PCDH15: variants seen among roughly 807,000 people sequenced by gnomAD.
The protein encoded by PCDH15 is protocadherin related 15, also known as protocadherin-15.
A neutral mutation model predicts 178.5 loss-of-function variants in PCDH15; 129 were observed. That is an observed-to-expected ratio of 0.72 (90% CI 0.63 to 0.84). The LOEUF is 0.84. Among genes scored for constraint, PCDH15 ranks in the 40% least tolerant of loss-of-function variants. PCDH15 has a pLI of 0.00. For missense variants in PCDH15, 2,230 were observed against 2,099.9 expected, an observed-to-expected ratio of 1.06 and a Z score of -1.21; for synonymous variants, 800 against 732.0, an observed-to-expected ratio of 1.09 and a Z score of -1.50.
At position 55,188,803 on chromosome 10, in the gene PCDH15, T is replaced by C. The variant is rs796680493; in HGVS notation, c.-155-22152A>G. On this transcript the variant is annotated intron_variant, in intron 1 of 5. Transcript: ENST00000458638. The stretch of plus-strand genomic sequence containing the variant: ...ATATACATATATGTAAACTAATTTC[T>C]TATTATTTCAATGTAAATATTTCCC... 7.4e-4 allele frequency among the ~76,000 whole-genome samples: 113 copies of C among 151,774 alleles called. 1 individual carries two copies. Among genetic ancestry groups the C allele is most frequent in the African/African-American group, 2.4e-3 (99 of 41,300 alleles).
intron 21 of PCDH15, among the ~76,000 whole-genome samples, chr10:53,973,580 A>C (rs1327820745): frequency 6.6e-6 from 1 of 152,220 alleles, no homozygotes; most frequent in African/African-American, 2.4e-5. Context: ...TTACTTTCTT[A>C]AAGTTCTTAC....
intron 2 of PCDH15, among the ~76,000 whole-genome samples, chr10:55,491,550 T>C (rs1840418491): frequency 6.6e-6 from 1 of 151,624 alleles, no homozygotes; most frequent in Non-Finnish European, 1.5e-5. Flanking sequence ...CTCTAGCTTT[T>C]GTGCAATGGC....
intron 1 of PCDH15, among the ~76,000 whole-genome samples, chr10:54,712,792 G>C (rs530631875): frequency 1.3e-5 from 2 of 152,054 alleles, no homozygotes; most frequent in East Asian, 3.9e-4. Flanking sequence ...ACACTAGAAA[G>C]AATTAATCAT....
intron 2 of PCDH15, among the ~76,000 whole-genome samples, chr10:55,118,381 G>C (rs908312673): frequency 7.9e-5 from 12 of 152,150 alleles, no homozygotes; most frequent in African/African-American, 2.2e-4. Flanking sequence ...GTTGCATCAT[G>C]AGGGCGTACC....
chr10:55,092,239 C>T (rs1448974484), intron 2 of PCDH15, among the ~76,000 whole-genome samples: 3 of 151,826 alleles, frequency 2.0e-5, no homozygotes, highest in Non-Finnish European at 4.4e-5. Flanking sequence ...TATAAACTCA[C>T]CCTTTACAAA....
intron 1 of PCDH15, among the ~76,000 whole-genome samples, chr10:55,202,051 A>G (rs1246768204): frequency 1.3e-5 from 2 of 152,102 alleles, no homozygotes; most frequent in African/African-American, 4.8e-5. Flanking sequence ...AACCATCTGA[A>G]GTGAATTATT....
In PCDH15 at chr10:53,806,736, CTT is replaced by C. The variant is rs768755545; in HGVS notation, c.5064_5065del (p.Arg1689GlufsTer8). ...TTCAACTGTGCTTTTCAGCCTGTTC[CTT>C]AGTGGCTTCACCGCTGTATTGTCAG... On this transcript the variant is annotated frameshift_variant, in exon 38 of 38. Coordinates refer to ENST00000644397, the MANE Select transcript of PCDH15 (RefSeq NM_001384140.1). LOFTEE classifies it high-confidence loss of function. The C allele has an allele frequency of 1.9e-6, 3 of 1,613,800 alleles. No individual in the cohort carries two copies. Among genetic ancestry groups the C allele is most frequent in the Non-Finnish European group, 2.5e-6 (3 of 1,179,794 alleles).
At chr10:54,347,971 CCCAAGTAGCTGGGA>C (rs902291169) in intron 5 of PCDH15, among the ~76,000 whole-genome samples, 1 of 152,004 alleles carries the variant, frequency 6.6e-6, no homozygotes. Flanking sequence ...GCCTCAGCCT[CCCAAGTAGCTGGGA>C]CCACAGGCGC....
chr10:54,378,037 A>ACCCTC (rs1948703781), intron 4 of PCDH15, among the ~76,000 whole-genome samples: 1 of 151,856 alleles, frequency 6.6e-6, no homozygotes. Context: ...GGATCCTCCC[A>ACCCTC]CCACAGTCTG....
chr10:55,052,083 C>A (rs1349488173), intron 2 of PCDH15, among the ~76,000 whole-genome samples: 1 of 150,644 alleles, frequency 6.6e-6, no homozygotes, highest in Non-Finnish European at 1.5e-5. Context: ...TCAAAATAAT[C>A]GATACGATTT....
Position 54,057,396 on chromosome 10 carries a change from T to C in PCDH15, c.2220+9361A>G, listed in dbSNP as rs191612603. 2.2e-3 allele frequency among the ~76,000 whole-genome samples: 336 copies of C among 152,312 alleles called. 3 individuals are homozygous for C. The highest frequency in any genetic ancestry group is 4.0e-3 in the African/African-American group (168 of 41,582). ...TAGGCAGAGGTTCCCAAACCTTAATTATTGACTTCTGTGCACCTGCACGAT... is the reference window on the plus strand; with the variant it reads ...TAGGCAGAGGTTCCCAAACCTTAATCATTGACTTCTGTGCACCTGCACGAT... On this transcript the variant is annotated intron_variant, in intron 18 of 37. Transcript: ENST00000644397.
intron 2 of PCDH15, among the ~76,000 whole-genome samples, chr10:55,119,664 T>C (rs1244786525): frequency 4.3e-4 from 66 of 152,224 alleles, no homozygotes. Context: ...TTTACAGATC[T>C]TATTTGACAA....
chr10:55,549,869 G>T (rs1048161013), intron 2 of PCDH15, among the ~76,000 whole-genome samples: 2 of 152,090 alleles, frequency 1.3e-5, no homozygotes, highest in Non-Finnish European at 2.9e-5. Context: ...GAGGAGAAAA[G>T]ACTAGAGGGG....
intron 2 of PCDH15, among the ~76,000 whole-genome samples, chr10:55,158,291 G>T (rs111639697): frequency 0.051 from 7,701 of 151,974 alleles, 396 homozygotes; most frequent in African/African-American, 0.13. Flanking sequence ...TTTCTGATCT[G>T]GTATATGGAT....
chr10:54,235,421 A>C (rs1291066121), intron 9 of PCDH15, among the ~76,000 whole-genome samples: 1 of 152,206 alleles, frequency 6.6e-6, no homozygotes, highest in Non-Finnish European at 1.5e-5. Flanking sequence ...AATGCATCCA[A>C]CTGGCTCTGA....
intron 3 of PCDH15, among the ~76,000 whole-genome samples, chr10:54,395,628 C>T (rs1234547648): frequency 6.6e-6 from 1 of 151,392 alleles, no homozygotes; most frequent in Non-Finnish European, 1.5e-5. Context: ...CTACTGATGA[C>T]ATTAAGTTTA....
chr10:53,899,144 G>GT (rs567935816), intron 26 of PCDH15, among the ~76,000 whole-genome samples: 2 of 125,402 alleles, frequency 1.6e-5, no homozygotes, highest in Non-Finnish European at 1.5e-5. Context: ...CTTTTTTTCG[G>GT]GGGGGGGTGG....
rs1054476980 is a variant in PCDH15 at position 53,827,480 on chromosome 10, G to A, written c.4280C>T (p.Pro1427Leu). 16 of 1,613,908 alleles carry A rather than the reference G, an allele frequency of 9.9e-6. No individual in the cohort carries two copies. The highest frequency in any genetic ancestry group is 9.3e-5 in the African/African-American group (7 of 74,924). The change falls in exon 32 of 38, where the codon CCG becomes CTG. Residue 1427 changes from proline to leucine, a missense_variant. By Grantham distance (98) the Pro-to-Leu change is moderately conservative. Coordinates refer to ENST00000644397, the MANE Select transcript of PCDH15 (RefSeq NM_001384140.1). ...AALPAAKPAV[P>L]APAPVAAPPP... ...GGGCGCTGCCACTGGTGCAGGAGCC[G>A]GCACTGCTGGTTTAGCCGCGGGTAA...
chr10:54,315,718 A>G (rs1166068550), intron 8 of PCDH15, among the ~76,000 whole-genome samples: 11 of 151,320 alleles, frequency 7.3e-5, no homozygotes, highest in African/African-American at 2.7e-4. Context: ...TGGTATAAGG[A>G]GGGGGGGGTC....
Sources: allele counts gnomAD v4.1 joint callset (sites outside exome capture counted in the v4.1 genomes callset), GRCh38; gene constraint gnomAD v4.1.1; transcripts MANE v1.5; gene names NCBI Gene and HGNC (gene_info 2026-07-23, HGNC 2026-07-21).